Variants in MAPRE3 observed in about 807,000 individuals in gnomAD.
The protein encoded by MAPRE3 is microtubule-associated protein RP/EB family member 3.
In MAPRE3, 2 loss-of-function variants were observed where a neutral mutation model predicts 30.5. That is an observed-to-expected ratio of 0.07 (90% CI 0.03 to 0.21). MAPRE3 has a LOEUF of 0.21. MAPRE3 is among the 10% of genes least tolerant of loss of function. MAPRE3 has a pLI of 1.00. For synonymous variants in MAPRE3, 110 were observed against 127.7 expected, an observed-to-expected ratio of 0.86 and a Z score of 0.93; for missense variants, 204 against 351.8, an observed-to-expected ratio of 0.58 and a Z score of 3.36.
Position 26,985,227 on chromosome 2 carries a change from T to G in MAPRE3, c.-8+14425T>G, listed in dbSNP as rs1279715992. ...GTTAAGACATGTGCTGTTGAAACTC[T>G]TCTTCCCTTTTGGGGAAGGATGTTG... On this transcript the variant is annotated intron_variant, in intron 1 of 6. Transcript: ENST00000233121. This position sits in a 1 kb window ranked among gnomAD's most constrained non-coding sequence, Gnocchi z 4.2. 6.6e-6 allele frequency among the ~76,000 whole-genome samples: 1 copy of G among 152,240 alleles called. No homozygotes were observed. Among genetic ancestry groups the G allele is most frequent in the Admixed American group, 6.5e-5 (1 of 15,284 alleles).
At chr2:27,024,888 G>A (rs1429571953) in intron 4 of MAPRE3, among the ~76,000 whole-genome samples, 1 of 152,266 alleles carries the variant, frequency 6.6e-6, no homozygotes, top group African/African-American at 2.4e-5. Flanking sequence ...CCCAGCCCGC[G>A]TCGGACCCCG....
rs909261110 is a variant in MAPRE3, at chr2:27,015,133, C to A, written c.-7-7079C>A. 3 of 152,384 alleles carry A rather than the reference C, an allele frequency of 2.0e-5. No homozygotes were observed. The South Asian group carries it at 6.2e-4, about 32-fold the overall frequency. The allele number at this position is 152,384 out of a possible 1,614,324, so 9.4% of individuals were successfully genotyped here. On this transcript the variant is annotated intron_variant, in intron 1 of 6. Coordinates refer to ENST00000233121, the MANE Select transcript of MAPRE3 (RefSeq NM_012326.4). The surrounding 1 kb of genome is among the most constrained non-coding windows in gnomAD (Gnocchi z 4.0). ...GTAGTCTGTCTCCTTTCTGGACTGG[C>A]ATTTCCATGGTCTGAGACCAGAGGC...
intron 1 of MAPRE3, among the ~76,000 whole-genome samples, chr2:27,008,675 G>C (rs1050069681): frequency 1.3e-5 from 2 of 152,108 alleles, no homozygotes; most frequent in Admixed American, 1.3e-4. Flanking sequence ...AGTTCCTAGA[G>C]GACAGAAAGG....
rs1572751857 is a variant in MAPRE3 at position 26,993,901 on chromosome 2, A to G, written c.-8+23099A>G. Among the ~76,000 whole-genome samples the G allele has an allele frequency of 2.6e-5, 4 of 152,198 alleles. No individual in the cohort carries two copies. The East Asian group carries it at 7.7e-4, about 29-fold the overall frequency. The stretch of plus-strand genomic sequence containing the variant: ...ACTCATGATGGATGTCTTGAGAACC[A>G]TGCTTCCTTGAGTAGGAGATGGCGC... On this transcript the variant is annotated intron_variant, in intron 1 of 6. Transcript: ENST00000233121.
At chr2:26,993,318 C>T (rs1437878889) in intron 1 of MAPRE3, among the ~76,000 whole-genome samples, 3 of 151,986 alleles carry the variant, frequency 2.0e-5, no homozygotes, top group Non-Finnish European at 2.9e-5. Flanking sequence ...TGCAGTAAGC[C>T]GAGATTGCGC....
intron 1 of MAPRE3, among the ~76,000 whole-genome samples, chr2:27,017,541 T>C (rs937971329): frequency 6.6e-6 from 1 of 152,222 alleles, no homozygotes; most frequent in African/African-American, 2.4e-5. Flanking sequence ...CAAGCCGCTA[T>C]GTGGCTCTTA....
At chr2:27,008,844 T>C (rs1666787500) in intron 1 of MAPRE3, among the ~76,000 whole-genome samples, 1 of 152,178 alleles carries the variant, frequency 6.6e-6, no homozygotes, top group South Asian at 2.1e-4. Flanking sequence ...TCCATACGTG[T>C]GCCATTGTTT....
chr2:27,012,415 C>G (rs1202514522), intron 1 of MAPRE3: 1 of 152,304 alleles, frequency 6.6e-6, no homozygotes, highest in Admixed American at 6.5e-5. Context: ...AGTGGTTGAT[C>G]TTGAACTTGG....
At chr2:27,016,130 C>T (rs1197053758) in intron 1 of MAPRE3, among the ~76,000 whole-genome samples, 1 of 152,192 alleles carries the variant, frequency 6.6e-6, no homozygotes, top group Non-Finnish European at 1.5e-5. Context: ...GCCACGTTGT[C>T]GGTCTGATCC....
intron 1 of MAPRE3, among the ~76,000 whole-genome samples, chr2:26,975,474 C>T (rs1457793763): frequency 6.6e-6 from 1 of 152,158 alleles, no homozygotes; most frequent in Non-Finnish European, 1.5e-5. Flanking sequence ...CCAGGGCAAG[C>T]TGTTCAGGTG....
At chr2:27,018,145 CT>C (rs1447574612) in intron 1 of MAPRE3, among the ~76,000 whole-genome samples, 1 of 152,198 alleles carries the variant, frequency 6.6e-6, no homozygotes, top group Non-Finnish European at 1.5e-5. Flanking sequence ...AACAAAGTCC[CT>C]AAAGTGGCTC....
At chr2:26,994,264 A>G (rs773640887) in intron 1 of MAPRE3, among the ~76,000 whole-genome samples, 9 of 152,238 alleles carry the variant, frequency 5.9e-5, no homozygotes, top group Non-Finnish European at 1.3e-4. Context: ...CAGAAAGTCA[A>G]TTTAATAAAT....
chr2:26,995,823 G>GTGTGTGTGTA (rs1200785865), intron 1 of MAPRE3, among the ~76,000 whole-genome samples: 1 of 150,166 alleles, frequency 6.7e-6, no homozygotes, highest in Admixed American at 6.6e-5. Flanking sequence ...GTGTGTGTGT[G>GTGTGTGTGTA]TGTGTGTATG....
chr2:27,020,969 G>A (rs1020506422), intron 1 of MAPRE3, among the ~76,000 whole-genome samples: 6 of 152,002 alleles, frequency 3.9e-5, no homozygotes, highest in South Asian at 2.1e-4. Flanking sequence ...ATCAAATACC[G>A]ATCAAAAATA....
At chr2:27,022,505 G>C in intron 2 of MAPRE3, 166 bp downstream of exon 2, 1 of 905,514 alleles carries the variant, frequency 1.1e-6, no homozygotes, top group Non-Finnish European at 1.7e-6. Context: ...GAACATCACA[G>C]AGTGTATTTA....
intron 1 of MAPRE3, among the ~76,000 whole-genome samples, chr2:26,994,779 A>AGG (rs1397736488): frequency 1.3e-5 from 2 of 150,634 alleles, no homozygotes; most frequent in African/African-American, 2.4e-5. Context: ...TTATTAACTC[A>AGG]TTAGCAGGGA....
chr2:26,981,322 A>G (rs559829856), intron 1 of MAPRE3, among the ~76,000 whole-genome samples: 2 of 152,044 alleles, frequency 1.3e-5, no homozygotes, highest in Admixed American at 1.3e-4. Flanking sequence ...CTTAAGATGC[A>G]GTGAAGTAGC....
chr2:27,001,341 T>C (rs11680633), intron 1 of MAPRE3, among the ~76,000 whole-genome samples: 87,421 of 152,058 alleles, frequency 0.57, 25,598 homozygotes, highest in East Asian at 0.76. Context: ...GGTTAGTATT[T>C]GGGTATCTAA....
chr2:27,017,360 C>T (rs1489652128), intron 1 of MAPRE3, among the ~76,000 whole-genome samples: 1 of 152,206 alleles, frequency 6.6e-6, no homozygotes, highest in East Asian at 1.9e-4. Context: ...TAGTGGGTAA[C>T]AGCATGATTC....
Sources: gnomAD v4.1 joint callset for allele counts (sites outside exome capture counted in the v4.1 genomes callset) on GRCh38, gnomAD v4.1.1 for gene constraint, Gnocchi (gnomAD v3.1) non-coding constraint, MANE v1.5 for transcripts, NCBI Gene and HGNC (gene_info 2026-07-23, HGNC 2026-07-21) for gene names.